GABRB2: variants seen among roughly 807,000 people sequenced by gnomAD.
The protein encoded by GABRB2 is gamma-aminobutyric acid type A receptor subunit beta2, also known as gamma-aminobutyric acid receptor subunit beta-2.
GABRB2 carries 16 observed loss-of-function variants against 54.7 expected under a neutral mutation model. The ratio of observed to expected loss-of-function variants is 0.29; its 90% CI spans 0.20 to 0.44. The LOEUF (loss-of-function observed/expected upper bound fraction) is 0.44, where lower values mean the gene tolerates loss of function less well. Ranked by LOEUF, GABRB2 falls within the 20% of genes least tolerant of loss-of-function variation. The probability of loss-of-function intolerance (pLI) is 1.00; values close to 1 mark genes in which losing one functional copy is unlikely to be tolerated. For synonymous variants in GABRB2, 244 were observed against 233.8 expected, an observed-to-expected ratio of 1.04 and a Z score of -0.40; for missense variants, 355 against 644.0, an observed-to-expected ratio of 0.55 and a Z score of 4.86.
chr5:161,372,381 C>A (rs532806083), intron 5 of GABRB2, among the ~76,000 whole-genome samples: 68 of 152,234 alleles, frequency 4.5e-4, no homozygotes, highest in Middle Eastern at 3.4e-3. Flanking sequence ...CCCCATCACC[C>A]CCTTTTGTTG....
At chr5:161,523,791 T>C (rs745765042) in intron 3 of GABRB2, among the ~76,000 whole-genome samples, 1 of 151,002 alleles carries the variant, frequency 6.6e-6, no homozygotes, top group Non-Finnish European at 1.5e-5. Context: ...GGATCTTATA[T>C]ATATACTGTA....
intron 9 of GABRB2, among the ~76,000 whole-genome samples, chr5:161,307,253 C>T (rs181897306): frequency 1.2e-4 from 19 of 152,266 alleles, no homozygotes. Context: ...TAGGCACTTC[C>T]TTCACTGCTC....
At chr5:161,413,114 T>C (rs1414564200) in intron 4 of GABRB2, among the ~76,000 whole-genome samples, 1 of 152,138 alleles carries the variant, frequency 6.6e-6, no homozygotes, top group East Asian at 1.9e-4. Flanking sequence ...TTAAGCTGTT[T>C]AAGGGCACAG....
intron 5 of GABRB2, among the ~76,000 whole-genome samples, chr5:161,386,796 A>G (rs1196205509): frequency 6.9e-6 from 1 of 144,804 alleles, no homozygotes; most frequent in East Asian, 2.1e-4. Flanking sequence ...AAGTGCTGGT[A>G]TTGCAGGCAT....
intron 3 of GABRB2, among the ~76,000 whole-genome samples, chr5:161,476,489 T>C (rs898270537): frequency 2.0e-5 from 3 of 151,774 alleles, no homozygotes; most frequent in Non-Finnish European, 4.4e-5. Context: ...ATAAACAAAA[T>C]AATCTTGAAA....
intron 3 of GABRB2, among the ~76,000 whole-genome samples, chr5:161,465,291 C>T (rs978124459): frequency 7.2e-5 from 11 of 152,018 alleles, no homozygotes; most frequent in African/African-American, 2.2e-4. Context: ...GATTAAGTCT[C>T]CTTCATGAAT....
chr5:161,391,838 C>A (rs895839852), intron 5 of GABRB2, among the ~76,000 whole-genome samples: 1 of 152,104 alleles, frequency 6.6e-6, no homozygotes, highest in Non-Finnish European at 1.5e-5. Context: ...GACCACCAAA[C>A]CAGGAGACTC....
intron 4 of GABRB2, among the ~76,000 whole-genome samples, chr5:161,457,433 T>A (rs925490662): frequency 6.6e-6 from 1 of 152,068 alleles, no homozygotes; most frequent in Middle Eastern, 3.4e-3. Flanking sequence ...GATTTACCCC[T>A]TTTCCCTCTC....
At chr5:161,298,099 A>C (rs1381698014) in intron 9 of GABRB2, among the ~76,000 whole-genome samples, 1 of 152,152 alleles carries the variant, frequency 6.6e-6, no homozygotes, top group African/African-American at 2.4e-5. Context: ...GCGTCTGTTC[A>C]TATCCTTCAT....
intron 5 of GABRB2, among the ~76,000 whole-genome samples, chr5:161,400,864 G>A (rs535363538): frequency 2.6e-5 from 4 of 152,274 alleles, no homozygotes; most frequent in African/African-American, 7.2e-5. Context: ...CTTGTTACAC[G>A]TGAGGGATTG....
chr5:161,476,375 A>C (rs976099781), intron 3 of GABRB2, among the ~76,000 whole-genome samples: 1 of 151,878 alleles, frequency 6.6e-6, no homozygotes, highest in East Asian at 1.9e-4. Flanking sequence ...GGTAAACTAC[A>C]GTTTTAATGC....
intron 3 of GABRB2, among the ~76,000 whole-genome samples, chr5:161,511,496 T>A (rs1051533791): frequency 3.3e-5 from 5 of 152,012 alleles, no homozygotes; most frequent in Admixed American, 6.6e-5. Flanking sequence ...GATAATATTC[T>A]GGAATAAAAA....
At chr5:161,481,683 C>T (rs1379397766) in intron 3 of GABRB2, among the ~76,000 whole-genome samples, 2 of 151,842 alleles carry the variant, frequency 1.3e-5, no homozygotes, top group African/African-American at 2.4e-5. Context: ...AGCTTTAATC[C>T]ATTCAAGAAA....
chr5:161,369,402 T>C (rs1241038289), intron 5 of GABRB2, among the ~76,000 whole-genome samples: 4 of 152,210 alleles, frequency 2.6e-5, no homozygotes, highest in Non-Finnish European at 5.9e-5. Flanking sequence ...TAGTGCAGAT[T>C]TCTCAAACAT....
intron 5 of GABRB2, among the ~76,000 whole-genome samples, chr5:161,357,789 G>T (rs565164944): frequency 6.6e-6 from 1 of 152,208 alleles, no homozygotes; most frequent in African/African-American, 2.4e-5. Context: ...ATGAAAGAGA[G>T]AGTGGACAAT....
At position 161,331,083 on chromosome 5, in the gene GABRB2, G is replaced by A. The variant is rs1554093891; in HGVS notation, c.877C>T (p.Arg293Trp). The part of the protein sequence containing the change: ...LTMTTINTHL[R>W]ETLPKIPYVK... ...TAGGGGATTTTAGGGAGAGTTTCCC[G>A]GAGGTGGGTGTTGATTGTGGTCATT... The change falls in exon 8 of 10, where the codon CGG (arginine) becomes TGG (tryptophan). Residue 293 changes from arginine (R) to tryptophan (W), a missense_variant. Arg to Trp is a moderately radical substitution (Grantham distance 101). Coordinates refer to ENST00000393959, the MANE Select transcript of GABRB2 (RefSeq NM_001371727.1). 1 of 1,604,886 alleles carries A rather than the reference G, an allele frequency of 6.2e-7. No individual in the cohort carries two copies. Among genetic ancestry groups the A allele is most frequent in the Non-Finnish European group, 8.5e-7 (1 of 1,173,730 alleles).
chr5:161,461,563 C>G (rs918248480), intron 3 of GABRB2, among the ~76,000 whole-genome samples: 1 of 152,158 alleles, frequency 6.6e-6, no homozygotes, highest in Non-Finnish European at 1.5e-5. Flanking sequence ...AAGCTATATA[C>G]TATGAATGAA....
rs573327610 is a variant in GABRB2 at position 161,333,982 on chromosome 5, A to G, written c.832+770T>C. 8.7e-4 allele frequency among the ~76,000 whole-genome samples: 133 copies of G among 152,318 alleles called. 1 individual carries two copies. The highest frequency in any genetic ancestry group is 3.1e-3 in the African/African-American group (130 of 41,574). ...GATATAACTTTCAGAAGACTGCTCT[A>G]TCTCCAGTGCTTAGTACAATTAGCA... On this transcript the variant is annotated intron_variant, in intron 7 of 9. Transcript: ENST00000393959.
At chr5:161,334,117 A>G (rs1483182134) in intron 7 of GABRB2, among the ~76,000 whole-genome samples, 1 of 152,186 alleles carries the variant, frequency 6.6e-6, no homozygotes, top group Non-Finnish European at 1.5e-5. Flanking sequence ...CAACATTTTA[A>G]AGGGAATAGT....
Sources: allele counts gnomAD v4.1 joint callset (sites outside exome capture counted in the v4.1 genomes callset), GRCh38; gene constraint gnomAD v4.1.1; transcripts MANE v1.5; gene names NCBI Gene and HGNC (gene_info 2026-07-23, HGNC 2026-07-21).